Variants in PPARGC1A observed in about 807,000 individuals in gnomAD.
PPARGC1A encodes the protein PPARG coactivator 1 alpha, also known as peroxisome proliferator-activated receptor gamma coactivator 1-alpha.
A neutral mutation model predicts 88.7 loss-of-function variants in PPARGC1A; 25 were observed. That is an observed-to-expected ratio of 0.28 (90% CI 0.21 to 0.39). PPARGC1A has a LOEUF of 0.39. Ranked by LOEUF, PPARGC1A falls within the 10% of genes least tolerant of loss-of-function variation. PPARGC1A has a pLI of 1.00. For missense variants in PPARGC1A, 880 were observed against 968.7 expected, an observed-to-expected ratio of 0.91 and a Z score of 1.22; for synonymous variants, 363 against 355.6, an observed-to-expected ratio of 1.02 and a Z score of -0.24.
At chr4:24,379,362 T>C in the PPARGC1A span, among the ~76,000 whole-genome samples, 1 of 152,114 alleles carries the variant, frequency 6.6e-6, no homozygotes, top group Non-Finnish European at 1.5e-5. Flanking sequence ...AGTTCTAACG[T>C]TGGATAGCAG....
the PPARGC1A span, among the ~76,000 whole-genome samples, chr4:23,938,576 G>A: frequency 4.6e-5 from 7 of 152,258 alleles, 1 homozygote; most frequent in African/African-American, 1.2e-4. Flanking sequence ...AAGATGACAC[G>A]GAGAGCTCTT....
chr4:24,134,157 C>G, the PPARGC1A span, among the ~76,000 whole-genome samples: 1 of 152,190 alleles, frequency 6.6e-6, no homozygotes, highest in East Asian at 1.9e-4. Flanking sequence ...CCTTCCGATA[C>G]CTTTGCACCA....
At chr4:24,189,772 A>T in the PPARGC1A span, among the ~76,000 whole-genome samples, 3 of 152,222 alleles carry the variant, frequency 2.0e-5, no homozygotes, top group South Asian at 6.2e-4. Context: ...AGTTTAATGG[A>T]TTAAGTCGTG....
the PPARGC1A span, among the ~76,000 whole-genome samples, chr4:23,943,771 C>A: frequency 6.6e-6 from 1 of 152,142 alleles, no homozygotes; most frequent in African/African-American, 2.4e-5. Flanking sequence ...CATCATAAAT[C>A]TTGTTGATAG....
the PPARGC1A span, among the ~76,000 whole-genome samples, chr4:23,979,763 C>A: frequency 6.6e-6 from 1 of 152,182 alleles, no homozygotes; most frequent in Admixed American, 6.5e-5. Context: ...GATGGTTTTG[C>A]TTCGCCTCTA....
the PPARGC1A span, among the ~76,000 whole-genome samples, chr4:24,272,290 T>C: frequency 6.6e-6 from 1 of 152,188 alleles, no homozygotes; most frequent in Non-Finnish European, 1.5e-5. Flanking sequence ...CTAACACTCA[T>C]CCTCTCTTGA....
chr4:23,919,044 C>T, the PPARGC1A span, among the ~76,000 whole-genome samples: 1 of 152,154 alleles, frequency 6.6e-6, no homozygotes, highest in South Asian at 2.1e-4. Flanking sequence ...ATCCATACTG[C>T]ACCTTCTAGC....
At chr4:23,999,359 G>C in the PPARGC1A span, among the ~76,000 whole-genome samples, 1 of 152,324 alleles carries the variant, frequency 6.6e-6, no homozygotes, top group South Asian at 2.1e-4. Flanking sequence ...CAGCTGTTTA[G>C]AGAATTGTCA....
intron 2 of PPARGC1A, among the ~76,000 whole-genome samples, chr4:23,858,159 A>G (rs1182566432): frequency 6.6e-6 from 1 of 152,074 alleles, no homozygotes; most frequent in Non-Finnish European, 1.5e-5. Context: ...GAGTTTGTAG[A>G]CTTTGTCTTA....
At chr4:24,041,206 C>A in the PPARGC1A span, among the ~76,000 whole-genome samples, 1 of 152,130 alleles carries the variant, frequency 6.6e-6, no homozygotes, top group Non-Finnish European at 1.5e-5. Context: ...CCTTCCACAT[C>A]TGATTAGGTT....
At chr4:24,098,116 T>C in the PPARGC1A span, among the ~76,000 whole-genome samples, 1 of 152,218 alleles carries the variant, frequency 6.6e-6, no homozygotes, top group Non-Finnish European at 1.5e-5. Flanking sequence ...CTTCAAAAAG[T>C]TGTTATTGGA....
chr4:23,955,421 C>T, the PPARGC1A span, among the ~76,000 whole-genome samples: 3 of 152,208 alleles, frequency 2.0e-5, no homozygotes, highest in East Asian at 1.9e-4. Context: ...CTAGTATCTA[C>T]ACCACATTGT....
the PPARGC1A span, among the ~76,000 whole-genome samples, chr4:24,059,618 C>T: frequency 1.3e-5 from 2 of 152,196 alleles, no homozygotes; most frequent in Non-Finnish European, 2.9e-5. Flanking sequence ...CGCATCTGAG[C>T]ACAGCTGTGT....
chr4:24,112,222 T>C, the PPARGC1A span, among the ~76,000 whole-genome samples: 3 of 152,132 alleles, frequency 2.0e-5, no homozygotes, highest in Non-Finnish European at 4.4e-5. Context: ...TGTAAGACAG[T>C]AGGGAATGGT....
the PPARGC1A span, among the ~76,000 whole-genome samples, chr4:23,961,018 A>G: frequency 1.3e-5 from 2 of 152,160 alleles, no homozygotes; most frequent in Non-Finnish European, 2.9e-5. Context: ...ATGTTGGTAA[A>G]AGAAAAGAAG....
At chr4:23,823,205 A>G (rs56795279) in intron 7 of PPARGC1A, among the ~76,000 whole-genome samples, 5 of 152,132 alleles carry the variant, frequency 3.3e-5, no homozygotes, top group Non-Finnish European at 5.9e-5. Flanking sequence ...AATATTTGAA[A>G]AATTATAAAA....
chr4:24,191,838 A>T, the PPARGC1A span, among the ~76,000 whole-genome samples: 411 of 152,252 alleles, frequency 2.7e-3, 1 homozygote, highest in Non-Finnish European at 4.9e-3. Context: ...TTTATTCAAC[A>T]ATTATTTTTG....
chr4:24,387,518 G>A, the PPARGC1A span, among the ~76,000 whole-genome samples: 1 of 152,018 alleles, frequency 6.6e-6, no homozygotes, highest in Non-Finnish European at 1.5e-5. Flanking sequence ...GAGGTCAAGT[G>A]ATCGAGACCA....
chr4:23,819,070 C>T (rs1722513127), intron 7 of PPARGC1A, among the ~76,000 whole-genome samples: 1 of 151,998 alleles, frequency 6.6e-6, no homozygotes, highest in Non-Finnish European at 1.5e-5. Context: ...GTCCTACTCA[C>T]ATATTTCAGG....
Sources: gnomAD v4.1 joint callset for allele counts (sites outside exome capture counted in the v4.1 genomes callset) on GRCh38, gnomAD v4.1.1 for gene constraint, MANE v1.5 for transcripts, NCBI Gene and HGNC (gene_info 2026-07-23, HGNC 2026-07-21) for gene names.